The following SEC31A variants were observed in gnomAD, a reference collection of about 807,000 sequenced individuals.
The protein encoded by SEC31A is protein transport protein Sec31A.
A neutral mutation model predicts 151.0 loss-of-function variants in SEC31A; 70 were observed. The observed-to-expected ratio is 0.46, with a 90% CI of 0.38 to 0.57. SEC31A has a LOEUF of 0.57. SEC31A is among the 20% of genes least tolerant of loss of function. SEC31A has a pLI of 0.00. For missense variants in SEC31A, 1,330 were observed against 1,471.2 expected (o/e 0.90, Z 1.57); for synonymous variants, 475 against 505.9 (o/e 0.94, Z 0.82).
intron 3 of SEC31A, chr4:82,897,823 GTTA>G (rs1447952834): frequency 2.0e-5 from 3 of 152,150 alleles, no homozygotes; most frequent in Admixed American, 6.5e-5. Flanking sequence ...ATAAATATCT[GTTA>G]TTATTCTTTC....
chr4:82,891,104 G>A lies in SEC31A; in HGVS notation c.-21C>T, dbSNP rs527468944. 33 of 1,535,950 alleles carry A rather than the reference G, an allele frequency of 2.1e-5. No homozygotes were observed. The highest frequency in any genetic ancestry group is 2.5e-5 in the Non-Finnish European group (29 of 1,146,792). On this transcript the variant is annotated 5_prime_UTR_variant, in exon 1 of 27. Coordinates refer to ENST00000395310, the MANE Select transcript of SEC31A (RefSeq NM_001077207.4). The stretch of plus-strand genomic sequence containing the variant: ...CGGACGCACCTGGCGAGGACCTTCG[G>A]CAGCCGGATCCTGCGTTAGTGCAGC...
At chr4:82,826,224 TTA>T (rs1437677242) in intron 24 of SEC31A, among the ~76,000 whole-genome samples, 7 of 150,884 alleles carry the variant, frequency 4.6e-5, no homozygotes, top group Non-Finnish European at 1.0e-4. Flanking sequence ...ATAATCTTTT[TTA>T]TTTTTTTTTA....
At chr4:82,896,956 C>A (rs1720088394) in intron 3 of SEC31A, among the ~76,000 whole-genome samples, 1 of 152,186 alleles carries the variant, frequency 6.6e-6, no homozygotes, top group East Asian at 1.9e-4. Flanking sequence ...CCACCTCCCA[C>A]AGGCTTCTAC....
At chr4:82,891,201 A>C, upstream of SEC31A, 1 of 1,530,994 alleles carries the variant, frequency 6.5e-7, no homozygotes, top group Middle Eastern at 1.8e-4. Context: ...GTTCCGTTCC[A>C]ACGTGGCAGC....
At chr4:82,851,780 A>C (rs1731506580) in intron 18 of SEC31A, among the ~76,000 whole-genome samples, 176 bp from the exon 19 acceptor site, 2 of 152,214 alleles carry the variant, frequency 1.3e-5, no homozygotes, top group African/African-American at 4.8e-5. Flanking sequence ...GTAAGGAGGA[A>C]GAAGGCCTCT....
intron 1 of SEC31A, 64 bp from the exon 2 acceptor site, chr4:82,882,004 A>G (rs1739460564): frequency 1.7e-6 from 2 of 1,211,576 alleles, no homozygotes; most frequent in Non-Finnish European, 2.5e-6. Context: ...CAGAACACAG[A>G]TATTTTAAAT....
At chr4:82,833,493 C>T (rs960186292) in intron 22 of SEC31A, among the ~76,000 whole-genome samples, 1 of 150,524 alleles carries the variant, frequency 6.6e-6, no homozygotes. Context: ...ACATGTATAC[C>T]CATGTAACAA....
At chr4:82,883,170 C>T (rs952385014) in intron 1 of SEC31A, among the ~76,000 whole-genome samples, 8 of 152,100 alleles carry the variant, frequency 5.3e-5, no homozygotes, top group African/African-American at 1.7e-4. Context: ...GTATTATGTA[C>T]TTTTTAAAGA....
At position 82,857,051 on chromosome 4, in the gene SEC31A, G is replaced by A. The variant is rs759595424; in HGVS notation, c.1782C>T (p.Arg594=). The change falls in exon 16 of 27, where the codon CGC becomes CGT. Residue 594 remains arginine, a synonymous_variant. Coordinates refer to ENST00000395310, the MANE Select transcript of SEC31A (RefSeq NM_001077207.4). ...SAVDLCLHDN[R]MADAIILAIA... is the part of the protein sequence containing the mutation. Reference sequence around the variant, plus strand: ...TGGCCAATATAATGGCATCGGCCATGCGGTTATCATGTAAACAAAGGTCAA... The same window carrying A: ...TGGCCAATATAATGGCATCGGCCATACGGTTATCATGTAAACAAAGGTCAA... 1 of 1,614,036 alleles carries A rather than the reference G, an allele frequency of 6.2e-7. No individual in the cohort carries two copies.
At chr4:82,871,168 C>T (rs1302809367) in intron 7 of SEC31A, among the ~76,000 whole-genome samples, 3 of 152,138 alleles carry the variant, frequency 2.0e-5, no homozygotes, top group Non-Finnish European at 4.4e-5. Context: ...TCAGCAAGAC[C>T]CCATCTCAAA....
intron 1 of SEC31A, among the ~76,000 whole-genome samples, chr4:82,887,791 G>A (rs1741078836): frequency 6.6e-6 from 1 of 152,192 alleles, no homozygotes; most frequent in African/African-American, 2.4e-5. Context: ...GGGCGCGGTG[G>A]CTCACGCCTG....
chr4:82,849,353 G>A lies in SEC31A; in HGVS notation c.2329-376C>T, dbSNP rs147565482. On this transcript the variant is annotated intron_variant, in intron 19 of 26. Transcript: ENST00000395310. ...ACTAAGGCCAGGCGCAGAGGTTCAC[G>A]CCTGCAATCCCAGCACTTTGGGAGG... Among the ~76,000 whole-genome samples the A allele has an allele frequency of 7.5e-3, 1,140 of 152,168 alleles. 7 individuals carry two copies. The highest frequency in any genetic ancestry group is 0.012 in the Admixed American group (183 of 15,284).
rs781659407 is a variant in SEC31A at position 82,864,552 on chromosome 4, T to C, written c.1244A>G (p.His415Arg). ...VTFENVRMPSHQGAEQQQQQH... is the reference protein window; with the variant it reads ...VTFENVRMPSRQGAEQQQQQH... ...CTGCTGCTGCTGCTCAGCTCCCTGA[T>C]GAGAAGGCATTCTGACATTCTCAAA... Residue 415 changes from histidine to arginine, a missense_variant, in exon 11 of 27, where the codon CAT (histidine) becomes CGT (arginine). Transcript: ENST00000395310. 1 of 1,614,128 alleles carries C rather than the reference T, an allele frequency of 6.2e-7. No homozygotes were observed. The highest frequency in any genetic ancestry group is 8.5e-7 in the Non-Finnish European group (1 of 1,180,032).
chr4:82,857,260 A>G (rs1326773125), intron 15 of SEC31A, 130 bp from the exon 16 acceptor site: 1 of 740,696 alleles, frequency 1.4e-6, no homozygotes, highest in African/African-American at 1.8e-5. Context: ...TCTGATTACT[A>G]GTGGATTAAT....
intron 22 of SEC31A, among the ~76,000 whole-genome samples, chr4:82,832,755 G>A (rs1009351948): frequency 1.3e-5 from 2 of 152,106 alleles, no homozygotes; most frequent in African/African-American, 4.8e-5. Context: ...GATATGAACA[G>A]ACACTTCTCA....
At chr4:82,823,134 A>G (rs1178900278) in intron 25 of SEC31A, among the ~76,000 whole-genome samples, 2 of 152,218 alleles carry the variant, frequency 1.3e-5, no homozygotes, top group South Asian at 2.1e-4. Flanking sequence ...TACTACCCAG[A>G]GCTCCTCGGT....
chr4:82,847,646 T>C (rs975187917), intron 20 of SEC31A, among the ~76,000 whole-genome samples: 8 of 152,130 alleles, frequency 5.3e-5, no homozygotes, highest in East Asian at 1.9e-4. Flanking sequence ...TTCTGGTGGG[T>C]TGCTTGACAT....
chr4:82,827,710 G>A, intron 23 of SEC31A, 78 bp from the exon 24 acceptor site: 1 of 1,479,942 alleles, frequency 6.8e-7, no homozygotes, highest in Non-Finnish European at 9.2e-7. Context: ...TAAAATAAGG[G>A]AGTTAGGTTA....
intron 14 of SEC31A, among the ~76,000 whole-genome samples, chr4:82,860,430 T>C (rs1468298611): frequency 1.3e-5 from 2 of 152,164 alleles, no homozygotes. Flanking sequence ...TGAAAGTACA[T>C]TTCTCTATGT....
Sources: gnomAD v4.1 joint callset for allele counts (sites outside exome capture counted in the v4.1 genomes callset) on GRCh38, gnomAD v4.1.1 for gene constraint, MANE v1.5 for transcripts, NCBI Gene and HGNC (gene_info 2026-07-23, HGNC 2026-07-21) for gene names.